TRMT9B: variants seen among roughly 807,000 people sequenced by gnomAD.
TRMT9B encodes probable tRNA methyltransferase 9B.
Under a neutral mutation model 11.5 loss-of-function variants are expected in TRMT9B, and 16 were observed. The observed-to-expected ratio is 1.39, with a 90% CI of 0.94 to 2.11. TRMT9B has a LOEUF of 2.11. Ranked by LOEUF, TRMT9B falls within the 30% of genes most tolerant of loss-of-function variation. The pLI, the probability that TRMT9B is intolerant of heterozygous loss-of-function variation, is 0.00. For synonymous variants in TRMT9B, 274 were observed against 192.4 expected, an observed-to-expected ratio of 1.42 and a Z score of -3.51; for missense variants, 941 against 553.8, an observed-to-expected ratio of 1.70 and a Z score of -7.02.
At chr8:12,982,279 A>G (rs1488012219) in intron 1 of TRMT9B, among the ~76,000 whole-genome samples, 1 of 152,218 alleles carries the variant, frequency 6.6e-6, no homozygotes, top group Non-Finnish European at 1.5e-5. Flanking sequence ...CAAGAGGGAT[A>G]TGATGGAGCT....
At chr8:12,962,956 T>A (rs1802327565) in intron 1 of TRMT9B, among the ~76,000 whole-genome samples, 1 of 152,202 alleles carries the variant, frequency 6.6e-6, no homozygotes, top group African/African-American at 2.4e-5. Context: ...AACTTAATTG[T>A]CAAGTTAAAA....
chr8:12,951,044 T>C (rs894095903), intron 1 of TRMT9B, among the ~76,000 whole-genome samples: 1 of 152,136 alleles, frequency 6.6e-6, no homozygotes, highest in Non-Finnish European at 1.5e-5. Flanking sequence ...GAAGATACTA[T>C]TACGTTAGGG....
At chr8:12,985,699 T>G (rs538423739) in intron 1 of TRMT9B, among the ~76,000 whole-genome samples, 65 of 152,230 alleles carry the variant, frequency 4.3e-4, no homozygotes, top group African/African-American at 1.2e-3. Flanking sequence ...TAGAGCTCTA[T>G]CATACATGGC....
In TRMT9B at chr8:12,952,081, C is replaced by T. The variant is rs539924157; in HGVS notation, c.-200+6115C>T. The T allele has an allele frequency of 9.9e-4, 383 of 388,408 alleles. 1 individual carries two copies. The highest frequency in any genetic ancestry group is 1.8e-3 in the Middle Eastern group (5 of 2,780). 24.1% of individuals were successfully genotyped at this position (388,408 alleles called of 1,614,324 possible). On this transcript the variant is annotated intron_variant, in intron 1 of 4. Coordinates refer to ENST00000524591, the MANE Select transcript of TRMT9B (RefSeq NM_020844.3). ...AAAATAGGTCAAGGGGTGGAAGTTACACCTGGTGCAGCCCTCGGCTCTGAT... is the reference window on the plus strand; with the variant it reads ...AAAATAGGTCAAGGGGTGGAAGTTATACCTGGTGCAGCCCTCGGCTCTGAT...
intron 1 of TRMT9B, among the ~76,000 whole-genome samples, chr8:12,951,152 C>T (rs528264614): frequency 2.0e-5 from 3 of 152,220 alleles, no homozygotes; most frequent in African/African-American, 4.8e-5. Context: ...TTCCACCCCG[C>T]CTTCTGATGG....
chr8:13,006,797 T>C (rs1432825167), intron 3 of TRMT9B: 4 of 401,576 alleles, frequency 1.0e-5, no homozygotes, highest in Non-Finnish European at 1.5e-5. Context: ...GACTCCCAAA[T>C]AGCTATGATT....
At chr8:12,973,182 C>A (rs560316819) in intron 1 of TRMT9B, among the ~76,000 whole-genome samples, 42 of 152,304 alleles carry the variant, frequency 2.8e-4, no homozygotes, top group African/African-American at 9.9e-4. Context: ...CTTTTTAAGG[C>A]TGAATAATAT....
rs1200966667 is a variant in TRMT9B at position 13,024,876 on chromosome 8, C to A, written c.*2832C>A. ...CTCTTTGGGGTAGTCACATGGAAAGCTCTTTTAAATTTAACTTCCGCCTTT... is the reference window on the plus strand; with the variant it reads ...CTCTTTGGGGTAGTCACATGGAAAGATCTTTTAAATTTAACTTCCGCCTTT... On this transcript the variant is annotated 3_prime_UTR_variant, in exon 5 of 5. Transcript: ENST00000524591. The A allele has an allele frequency of 6.0e-6, 1 of 166,934 alleles. No homozygotes were observed. Among genetic ancestry groups the A allele is most frequent in the Non-Finnish European group, 1.5e-5 (1 of 68,114 alleles). 10.3% of individuals were successfully genotyped at this position (166,934 alleles called of 1,614,324 possible). A position where few individuals can be genotyped will look rare whatever the true frequency, so the allele number is the denominator to read the frequency against.
In TRMT9B at chr8:12,982,619, G is replaced by A. The variant is rs575285506; in HGVS notation, c.-199-8215G>A. On this transcript the variant is annotated intron_variant, in intron 1 of 4. Coordinates refer to ENST00000524591, the MANE Select transcript of TRMT9B (RefSeq NM_020844.3). The stretch of plus-strand genomic sequence containing the variant: ...GGAGGTTGCAGTGAGCCGAGATTGC[G>A]CCACTGCACTCCAGCCTGGGCAACA... 4.5e-4 allele frequency among the ~76,000 whole-genome samples: 68 copies of A among 151,480 alleles called. No homozygotes were observed. In the South Asian group the frequency reaches 5.8e-3, roughly 13 times the overall value.
At chr8:13,011,328 T>A (rs1389648294) in intron 3 of TRMT9B, 1 of 985,256 alleles carries the variant, frequency 1.0e-6, no homozygotes, top group Admixed American at 6.2e-5. Context: ...CTGTCTCAGC[T>A]GGCATTAATG....
chr8:12,995,685 G>GT (rs1326702878), intron 2 of TRMT9B, among the ~76,000 whole-genome samples: 1 of 152,062 alleles, frequency 6.6e-6, no homozygotes, highest in African/African-American at 2.4e-5. Flanking sequence ...TTTGGGTTTG[G>GT]TTTTTTGGGA....
At chr8:12,966,200 A>T (rs1299232604) in intron 1 of TRMT9B, among the ~76,000 whole-genome samples, 1 of 151,792 alleles carries the variant, frequency 6.6e-6, no homozygotes, top group Non-Finnish European at 1.5e-5. Context: ...TGGCATGGTG[A>T]CCCATACCTC....
chr8:13,006,710 C>A, intron 3 of TRMT9B: 2 of 1,248,830 alleles, frequency 1.6e-6, no homozygotes, highest in Non-Finnish European at 2.1e-6. Flanking sequence ...CTCTTGTCAA[C>A]CAGATTGGAG....
At chr8:12,988,038 A>G (rs1318712344) in intron 1 of TRMT9B, among the ~76,000 whole-genome samples, 1 of 152,200 alleles carries the variant, frequency 6.6e-6, no homozygotes, top group Non-Finnish European at 1.5e-5. Context: ...CCATCTGTAT[A>G]TATTTCTGTG....
chr8:12,988,717 T>G (rs886587809), intron 1 of TRMT9B, among the ~76,000 whole-genome samples: 2 of 152,138 alleles, frequency 1.3e-5, no homozygotes, highest in Non-Finnish European at 2.9e-5. Flanking sequence ...ACCAGTTCCC[T>G]CCCACAATAC....
At chr8:12,951,114 T>C (rs1046435313) in intron 1 of TRMT9B, among the ~76,000 whole-genome samples, 1 of 152,174 alleles carries the variant, frequency 6.6e-6, no homozygotes, top group Non-Finnish European at 1.5e-5. Context: ...GAAAGGTTTG[T>C]GTCCAGTTTT....
At chr8:12,956,389 G>A (rs1801313730) in intron 1 of TRMT9B, among the ~76,000 whole-genome samples, 1 of 152,158 alleles carries the variant, frequency 6.6e-6, no homozygotes, top group Admixed American at 6.5e-5. Context: ...CAAACAGATG[G>A]ATGTTATCGT....
intron 4 of TRMT9B, among the ~76,000 whole-genome samples, chr8:13,018,757 A>G (rs796664930): frequency 3.3e-5 from 5 of 152,168 alleles, no homozygotes; most frequent in Non-Finnish European, 7.4e-5. Context: ...AACTCATACC[A>G]ACAGCACTGC....
At chr8:12,954,948 C>T (rs1563304862) in intron 1 of TRMT9B, among the ~76,000 whole-genome samples, 1 of 152,170 alleles carries the variant, frequency 6.6e-6, no homozygotes, top group Non-Finnish European at 1.5e-5. Context: ...GACACCTCCC[C>T]AGGTGGCTGT....
Sources: gnomAD v4.1 joint callset for allele counts (sites outside exome capture counted in the v4.1 genomes callset) on GRCh38, gnomAD v4.1.1 for gene constraint, MANE v1.5 for transcripts, NCBI Gene and HGNC (gene_info 2026-07-23, HGNC 2026-07-21) for gene names.